DACH2: variants seen among roughly 807,000 people sequenced by gnomAD.
DACH2 encodes the protein dachshund family transcription factor 2.
DACH2 carries 17 observed loss-of-function variants against 35.8 expected under a neutral mutation model. The observed-to-expected ratio is 0.48, with a 90% CI of 0.33 to 0.71. DACH2 has a LOEUF of 0.71. Ranked by LOEUF, DACH2 falls within the 30% of genes least tolerant of loss-of-function variation. The pLI is 0.02. For synonymous variants in DACH2, 195 were observed against 177.3 expected (o/e 1.10, Z -0.79); for missense variants, 469 against 472.7 (o/e 0.99, Z 0.07).
At chrX:86,338,610 AAGC>A (rs1321305451) in intron 1 of DACH2, among the ~76,000 whole-genome samples, 1 of 112,091 alleles carries the variant, frequency 8.9e-6, no homozygotes, top group Non-Finnish European at 1.9e-5. Flanking sequence ...CCACAATTGA[AAGC>A]AGGAAAGATC....
chrX:86,650,999 T>C (rs1222897069), intron 3 of DACH2, 37 bp from the exon 4 acceptor site: 1 of 1,098,474 alleles, frequency 9.1e-7, no homozygotes. Flanking sequence ...ATTATTAATA[T>C]AAATAAATAA....
chrX:86,446,288 CTTT>C (rs753958102), intron 2 of DACH2, among the ~76,000 whole-genome samples: 1,098 of 77,994 alleles, frequency 0.014, 10 homozygotes, highest in African/African-American at 0.04. Flanking sequence ...AGTCTTGTTT[CTTT>C]TTTTTTTTTT....
chrX:86,335,996 A>G (rs1454188980), intron 1 of DACH2, among the ~76,000 whole-genome samples: 2 of 111,867 alleles, frequency 1.8e-5, no homozygotes, highest in Non-Finnish European at 3.8e-5. Context: ...TTCTGCATCT[A>G]TTGAGATAAT....
Position 86,242,684 on chromosome X carries a change from G to T in DACH2, c.488+93576G>T, listed in dbSNP as rs189057218. On this transcript the variant is annotated intron_variant, in intron 1 of 11. Transcript: ENST00000373125. ...GCTGAGTGATATGATCTGGCTCTGTGTCCCCTCCCAAATCTCATGTCAAAT... is the reference window on the plus strand; with the variant it reads ...GCTGAGTGATATGATCTGGCTCTGTTTCCCCTCCCAAATCTCATGTCAAAT... Among the ~76,000 whole-genome samples the T allele has an allele frequency of 5.4e-5, 6 of 111,293 alleles. No individual in the cohort carries two copies. The East Asian group carries it at 1.1e-3, about 21-fold the overall frequency.
intron 6 of DACH2, among the ~76,000 whole-genome samples, chrX:86,729,989 C>T (rs1379767046): frequency 9.1e-6 from 1 of 110,388 alleles, no homozygotes; most frequent in Admixed American, 9.7e-5. Flanking sequence ...TAACACATCC[C>T]TTTTGCCATA....
At chrX:86,830,515 A>C (rs2042602590) in intron 11 of DACH2, 2 of 111,737 alleles carry the variant, frequency 1.8e-5, no homozygotes, top group African/African-American at 6.5e-5. Flanking sequence ...CCTTGTAAGC[A>C]GACACATAAA....
At chrX:86,160,557 C>A in intron 1 of DACH2, 1 of 515,035 alleles carries the variant, frequency 1.9e-6, no homozygotes, top group Non-Finnish European at 3.6e-6. Flanking sequence ...GTATAGCCAG[C>A]ACTGATTTGG....
chrX:86,610,375 TTC>T (rs200790872), intron 3 of DACH2, among the ~76,000 whole-genome samples: 2,790 of 60,042 alleles, frequency 0.046, 71 homozygotes, highest in East Asian at 0.11. Context: ...CTTTCTTTCT[TTC>T]TTTCTTTCTT....
At chrX:86,642,234 T>C (rs2040355707) in intron 3 of DACH2, among the ~76,000 whole-genome samples, 2 of 111,237 alleles carry the variant, frequency 1.8e-5, no homozygotes, top group South Asian at 3.8e-4. Flanking sequence ...ATGACACTCA[T>C]AGGCTCAAAA....
At chrX:86,822,252 T>G (rs1033201021) in intron 11 of DACH2, among the ~76,000 whole-genome samples, 6 of 112,077 alleles carry the variant, frequency 5.4e-5, no homozygotes, top group Non-Finnish European at 7.5e-5. Flanking sequence ...ACCTTAAAAA[T>G]TAAAATTATG....
At chrX:86,652,698 T>C (rs2040491292) in intron 4 of DACH2, among the ~76,000 whole-genome samples, 1 of 112,308 alleles carries the variant, frequency 8.9e-6, no homozygotes, top group Non-Finnish European at 1.9e-5. Context: ...TAATAATCAA[T>C]GGTGTTGAGC....
At position 86,714,729 on chromosome X, in the gene DACH2, C is replaced by T. The variant is rs759183077; in HGVS notation, c.1104+9C>T. ...GTACCTCTGTTATAAAGGTAAGAAT[C>T]GTGATTTAGAAAAGGACAAAGGTGT... On this transcript the variant is annotated intron_variant, in intron 6 of 11. Coordinates refer to ENST00000373125, the MANE Select transcript of DACH2 (RefSeq NM_053281.3). The T allele has an allele frequency of 4.4e-6, 5 of 1,141,163 alleles. No homozygotes were observed. Among genetic ancestry groups the T allele is most frequent in the South Asian group, 2.2e-5 (1 of 46,397 alleles). 94.0% of individuals were successfully genotyped at this position (1,141,163 alleles called of 1,213,427 possible).
chrX:86,453,808 T>A (rs1248758521), intron 2 of DACH2, among the ~76,000 whole-genome samples: 1 of 111,753 alleles, frequency 8.9e-6, no homozygotes, highest in Non-Finnish European at 1.9e-5. Flanking sequence ...TTAGCTCATG[T>A]ACCTTTACAG....
At chrX:86,270,884 A>G (rs189100247) in intron 1 of DACH2, among the ~76,000 whole-genome samples, 350 of 111,750 alleles carry the variant, frequency 3.1e-3, no homozygotes, top group African/African-American at 9.9e-3. Context: ...TGGGTCCCCA[A>G]TAGAGGGAGA....
chrX:86,368,347 G>C (rs1297108889), intron 1 of DACH2, among the ~76,000 whole-genome samples: 2 of 110,851 alleles, frequency 1.8e-5, no homozygotes, highest in Non-Finnish European at 3.8e-5. Flanking sequence ...GAAGATCTTT[G>C]TATTCTCTTT....
chrX:86,586,823 C>A (rs1242313074), intron 3 of DACH2, among the ~76,000 whole-genome samples: 1 of 111,509 alleles, frequency 9.0e-6, no homozygotes, highest in Non-Finnish European at 1.9e-5. Flanking sequence ...GTTACTGTAG[C>A]CTTGTAGTAC....
At chrX:86,435,488 C>T (rs182179094) in intron 2 of DACH2, among the ~76,000 whole-genome samples, 122 of 111,644 alleles carry the variant, frequency 1.1e-3, no homozygotes, top group African/African-American at 3.8e-3. Flanking sequence ...AAAATTGAAT[C>T]AAAGCAAATG....
At position 86,378,127 on chromosome X, in the gene DACH2, A is replaced by C. The variant is rs145377391; in HGVS notation, c.527+1265A>C. ...GAAATTGGCTTTCACTTTATTTTTG[A>C]TTTTCTAGTAAAATGACAAGCAAAT... On this transcript the variant is annotated intron_variant, in intron 2 of 11. Transcript: ENST00000373125. Among the ~76,000 whole-genome samples the C allele has an allele frequency of 5.8e-3, 644 of 110,532 alleles. 8 individuals carry two copies. Among genetic ancestry groups the C allele is most frequent in the African/African-American group, 0.019 (590 of 30,649 alleles).
chrX:86,570,317 G>A (rs1196257470), intron 3 of DACH2, among the ~76,000 whole-genome samples: 1 of 111,216 alleles, frequency 9.0e-6, no homozygotes, highest in Non-Finnish European at 1.9e-5. Flanking sequence ...ATTCACAACA[G>A]CAAAGACATG....
Sources: allele counts gnomAD v4.1 joint callset (sites outside exome capture counted in the v4.1 genomes callset), GRCh38; gene constraint gnomAD v4.1.1; transcripts MANE v1.5; gene names NCBI Gene and HGNC (gene_info 2026-07-23, HGNC 2026-07-21).